Variants in SPRY1 observed in about 807,000 individuals in gnomAD.
SPRY1 encodes sprouty RTK signaling antagonist 1, also known as protein sprouty homolog 1.
In SPRY1, 20 loss-of-function variants were observed where a neutral mutation model predicts 22.6. The ratio of observed to expected loss-of-function variants is 0.89; its 90% CI spans 0.62 to 1.29. The LOEUF (loss-of-function observed/expected upper bound fraction) is 1.29. SPRY1 is among the 50% of genes most tolerant of loss of function. The pLI is 0.00. For synonymous variants in SPRY1, 155 were observed against 144.7 expected, an observed-to-expected ratio of 1.07 and a Z score of -0.51; for missense variants, 446 against 387.7, an observed-to-expected ratio of 1.15 and a Z score of -1.26.
At chr4:123,400,505 T>A (rs1725102805) in intron 2 of SPRY1, 1 of 152,238 alleles carries the variant, frequency 6.6e-6, no homozygotes, top group Admixed American at 6.5e-5. Context: ...AACTTTCATC[T>A]TTGGCAGTTT....
At position 123,403,574 on chromosome 4, in the gene SPRY1, T is replaced by G. The variant is rs1725256376; in HGVS notation, c.*1023T>G. ...TTTTAAGACAAAAGTCTGTTAAACTTTTTTATTGTAAAGAATATTTATTAT... is the reference window on the plus strand; with the variant it reads ...TTTTAAGACAAAAGTCTGTTAAACTGTTTTATTGTAAAGAATATTTATTAT... On this transcript the variant is annotated 3_prime_UTR_variant, in exon 3 of 3. Transcript: ENST00000651917. 6.0e-6 allele frequency: 1 copy of G among 167,078 alleles called. No individual in the cohort carries two copies. Among genetic ancestry groups the G allele is most frequent in the Non-Finnish European group, 1.5e-5 (1 of 68,118 alleles). 10.3% of individuals were successfully genotyped at this position (167,078 alleles called of 1,614,324 possible). A position where few individuals can be genotyped will look rare whatever the true frequency, so the allele number is the denominator to read the frequency against.
chr4:123,401,530 G>T lies in SPRY1; in HGVS notation c.-55-7G>T. The T allele has an allele frequency of 1.3e-4, 193 of 1,503,588 alleles. No homozygotes were observed. The highest frequency in any genetic ancestry group is 1.0e-3 in the South Asian group (71 of 68,292). The allele number at this position is 1,503,588 out of a possible 1,614,324, so 93.1% of individuals were successfully genotyped here. ...TTCTGTTTTTTTCATCTTTGATTTC[G>T]TTTTAGGATTTCAGATGCATGCCAG... On this transcript the variant is annotated splice_polypyrimidine_tract_variant and splice_region_variant and intron_variant, in intron 2 of 2. Transcript: ENST00000651917.
intron 2 of SPRY1, 93 bp downstream of exon 2, chr4:123,397,949 G>T (rs1391428207): frequency 1.3e-5 from 2 of 152,006 alleles, no homozygotes; most frequent in Non-Finnish European, 1.5e-5. Flanking sequence ...GCGGCTCCGT[G>T]ACCCACCCGC....
intron 2 of SPRY1, chr4:123,400,480 A>G (rs1305351960): frequency 1.3e-5 from 2 of 152,198 alleles, no homozygotes; most frequent in Non-Finnish European, 2.9e-5. Flanking sequence ...ACTCTAGTTC[A>G]CCACTGAAAG....
intron 2 of SPRY1, 52 bp from the exon 3 acceptor site, chr4:123,401,485 A>G: frequency 1.5e-6 from 2 of 1,338,576 alleles, no homozygotes; most frequent in East Asian, 2.8e-5. Context: ...CCCCAAAAAA[A>G]ATGCTTCCTG....
rs781231015 is a variant in SPRY1 at position 123,402,125 on chromosome 4, G to C, written c.534G>C (p.Lys178Asn). Residue 178 changes from lysine (K) to asparagine (N), a missense_variant, in exon 3 of 3, where the codon AAG becomes AAC. Lys to Asn is a moderately conservative substitution (Grantham distance 94). Coordinates refer to ENST00000651917, the MANE Select transcript of SPRY1 (RefSeq NM_001258038.2). ...GSLKEDLTQH[K>N]FICEQCGKCK... ...TGAAAGAGGACCTGACACAGCACAA[G>C]TTCATTTGTGAACAGTGTGGGAAGT... 1 of 1,614,226 alleles carries C rather than the reference G, an allele frequency of 6.2e-7. No homozygotes were observed.
chr4:123,401,485 A>T, intron 2 of SPRY1, 52 bp from the exon 3 acceptor site: 3 of 1,338,582 alleles, frequency 2.2e-6, no homozygotes, highest in South Asian at 1.4e-5. Flanking sequence ...CCCCAAAAAA[A>T]ATGCTTCCTG....
In SPRY1 at chr4:123,401,947, G is replaced by T; in HGVS notation, c.356G>T (p.Ser119Ile). 1.9e-6 allele frequency: 3 copies of T among 1,614,204 alleles called. No homozygotes were observed. In the South Asian group the frequency reaches 3.3e-5, roughly 18 times the overall value. Residue 119 changes from serine to isoleucine, a missense_variant, in exon 3 of 3, where the codon AGT (serine) becomes ATT (isoleucine). Physicochemically the swap from Ser to Ile is moderately radical, Grantham distance 142 (BLOSUM62 -2). Transcript: ENST00000651917. ...PILSRSTSTG[S>I]AASSGSNSSA... is the part of the protein sequence containing the mutation. ...TTGAGCAGATCAACCAGCACTGGAA[G>T]TGCAGCCAGCTCTGGGAGCAACAGC...
At chr4:123,397,253 A>C (rs1240269424) in intron 1 of SPRY1, among the ~76,000 whole-genome samples, 1 of 152,198 alleles carries the variant, frequency 6.6e-6, no homozygotes, top group Admixed American at 6.5e-5. Flanking sequence ...GTGTGGACCA[A>C]ATGCGTGTTT....
Position 123,402,689 on chromosome 4 carries a change from C to G in SPRY1, c.*138C>G. 2 of 1,154,904 alleles carry G rather than the reference C, an allele frequency of 1.7e-6. No individual in the cohort carries two copies. Among genetic ancestry groups the G allele is most frequent in the South Asian group, 1.7e-5 (1 of 60,304 alleles). The allele number at this position is 1,154,904 out of a possible 1,614,324, so 71.5% of individuals were successfully genotyped here. A position where few individuals can be genotyped will look rare whatever the true frequency, so the allele number is the denominator to read the frequency against. On this transcript the variant is annotated 3_prime_UTR_variant, in exon 3 of 3. Coordinates refer to ENST00000651917, the MANE Select transcript of SPRY1 (RefSeq NM_001258038.2). ...CTTCCCCTGTTGCCAAGGTCTAACTCATGGATTTTTCTCTTTCCTCATGGA... is the reference window on the plus strand; with the variant it reads ...CTTCCCCTGTTGCCAAGGTCTAACTGATGGATTTTTCTCTTTCCTCATGGA...
At chr4:123,397,267 T>C (rs550927064) in intron 1 of SPRY1, among the ~76,000 whole-genome samples, 1 of 152,304 alleles carries the variant, frequency 6.6e-6, no homozygotes, top group African/African-American at 2.4e-5. Flanking sequence ...CGTGTTTGTT[T>C]AGGCATTGTT....
rs1333725638 is a variant in SPRY1 at position 123,401,833 on chromosome 4, T to C, written c.242T>C (p.Ile81Thr). The C allele has an allele frequency of 1.9e-6, 3 of 1,614,030 alleles. No homozygotes were observed. The highest frequency in any genetic ancestry group is 1.7e-5 in the Admixed American group (1 of 60,004). The change falls in exon 3 of 3, where the codon ATA becomes ACA. Residue 81 changes from isoleucine (I) to threonine (T), a missense_variant. Physicochemically the swap from Ile to Thr is moderately conservative, Grantham distance 89. Transcript: ENST00000651917. The stretch of plus-strand genomic sequence containing the variant: ...AAGCATGAAAGGACTCATGAAATCA[T>C]ACCAATTAATGTGAATAATAACTAC... Reference protein sequence around the residue: ...QEKHERTHEIIPINVNNNYEH... With the variant: ...QEKHERTHEITPINVNNNYEH...
chr4:123,397,977 C>T (rs1408249005), intron 2 of SPRY1, 121 bp downstream of exon 2: 1 of 152,158 alleles, frequency 6.6e-6, no homozygotes, highest in East Asian at 1.9e-4. Context: ...GGTTCGGGCC[C>T]CGACCCGGGC....
At chr4:123,399,640 C>T (rs1725068224) in intron 2 of SPRY1, 3 of 152,234 alleles carry the variant, frequency 2.0e-5, no homozygotes, top group African/African-American at 7.2e-5. Flanking sequence ...TAGACAAATC[C>T]TTGCTTAGGG....
Position 123,402,543 on chromosome 4 carries a change from C to T in SPRY1, c.952C>T (p.Pro318Ser). Residue 318 changes from proline to serine, a missense_variant, in exon 3 of 3, where the codon CCA becomes TCA. Coordinates refer to ENST00000651917, the MANE Select transcript of SPRY1 (RefSeq NM_001258038.2). ...CTGCCCCTCCCGGGGTCAGGGTAAA[C>T]CATCATGATTTTTGGAGGTGGGTTG... The part of the protein sequence containing the change: ...ESCPSRGQGK[P>S]S The T allele has an allele frequency of 1.9e-6, 3 of 1,602,230 alleles. No individual in the cohort carries two copies. Among genetic ancestry groups the T allele is most frequent in the Non-Finnish European group, 2.6e-6 (3 of 1,171,660 alleles).
At chr4:123,397,553 C>T (rs1724961313) in intron 1 of SPRY1, 58 bp from the exon 2 acceptor site, 1 of 152,176 alleles carries the variant, frequency 6.6e-6, no homozygotes, top group Admixed American at 6.5e-5. Context: ...CGCCCGGGGT[C>T]CCAGCCCTTC....
intron 2 of SPRY1, chr4:123,398,460 C>G (rs1725005307): frequency 6.6e-6 from 1 of 151,444 alleles, no homozygotes; most frequent in South Asian, 2.1e-4. Context: ...GCCGCCCGCA[C>G]CAGGACCTGG....
At chr4:123,398,675 G>T (rs1725017301) in intron 2 of SPRY1, among the ~76,000 whole-genome samples, 2 of 151,988 alleles carry the variant, frequency 1.3e-5, no homozygotes, top group Admixed American at 6.5e-5. Context: ...GGCCCCTCCC[G>T]CCGCTCCCTG....
At chr4:123,398,754 G>A (rs1426663047) in intron 2 of SPRY1, among the ~76,000 whole-genome samples, 1 of 152,102 alleles carries the variant, frequency 6.6e-6, no homozygotes, top group Non-Finnish European at 1.5e-5. Flanking sequence ...CTGCGGCTGC[G>A]GAACGTAACA....
Sources: allele counts gnomAD v4.1 joint callset (sites outside exome capture counted in the v4.1 genomes callset), GRCh38; gene constraint gnomAD v4.1.1; transcripts MANE v1.5; gene names NCBI Gene and HGNC (gene_info 2026-07-23, HGNC 2026-07-21).